CAST: variants seen among roughly 807,000 people sequenced by gnomAD.
The protein encoded by CAST is calpastatin.
Under a neutral mutation model 119.6 loss-of-function variants are expected in CAST, and 76 were observed. The observed-to-expected ratio is 0.64, with a 90% CI of 0.53 to 0.77. The LOEUF (loss-of-function observed/expected upper bound fraction) is 0.77. CAST is among the 30% of genes least tolerant of loss of function. The probability of loss-of-function intolerance (pLI) is 0.00; values close to 1 mark genes in which losing one functional copy is unlikely to be tolerated. For synonymous variants in CAST, 319 were observed against 331.6 expected, an observed-to-expected ratio of 0.96 and a Z score of 0.41; for missense variants, 953 against 946.5, an observed-to-expected ratio of 1.01 and a Z score of -0.09.
chr5:96,700,726 G>A (rs758667456), intron 3 of CAST, among the ~76,000 whole-genome samples: 9 of 151,876 alleles, frequency 5.9e-5, no homozygotes, highest in Admixed American at 2.0e-4. Flanking sequence ...TCGCCGGGGT[G>A]GGGGAAGAGC....
At chr5:96,276,920 G>A in the CAST span, among the ~76,000 whole-genome samples, 1 of 152,142 alleles carries the variant, frequency 6.6e-6, no homozygotes, top group Non-Finnish European at 1.5e-5. Context: ...TGCTTTGAAA[G>A]TTTACATAGA....
the CAST span, among the ~76,000 whole-genome samples, chr5:96,473,889 A>T: frequency 6.6e-6 from 1 of 152,254 alleles, no homozygotes; most frequent in East Asian, 1.9e-4. Flanking sequence ...TGATGCAAAA[A>T]CTGAAACTCA....
chr5:96,583,902 G>C (rs1399274026), intron 1 of CAST, among the ~76,000 whole-genome samples: 1 of 152,218 alleles, frequency 6.6e-6, no homozygotes, highest in Non-Finnish European at 1.5e-5. Flanking sequence ...AGAGGGGGTA[G>C]ACAGAAACAA....
At chr5:96,427,451 A>C in the CAST span, among the ~76,000 whole-genome samples, 8 of 152,200 alleles carry the variant, frequency 5.3e-5, no homozygotes, top group Admixed American at 2.6e-4. Context: ...AAGATCATCT[A>C]ATTCAACCTT....
the CAST span, among the ~76,000 whole-genome samples, chr5:96,187,363 T>A: frequency 7.0e-3 from 1,072 of 152,270 alleles, 11 homozygotes; most frequent in African/African-American, 0.025. Flanking sequence ...GCTCTGATCT[T>A]GGTTATTTCT....
chr5:96,494,109 G>A, the CAST span, among the ~76,000 whole-genome samples: 17 of 152,304 alleles, frequency 1.1e-4, no homozygotes, highest in South Asian at 3.5e-3. Context: ...AAAGGACAGA[G>A]AAGAGTTGGG....
At chr5:96,343,322 A>G in the CAST span, among the ~76,000 whole-genome samples, 16 of 152,314 alleles carry the variant, frequency 1.1e-4, no homozygotes, top group Non-Finnish European at 1.3e-4. Flanking sequence ...AAGATAGGAA[A>G]ATGAGAAAGT....
At chr5:96,460,126 C>T in the CAST span, among the ~76,000 whole-genome samples, 2 of 152,114 alleles carry the variant, frequency 1.3e-5, no homozygotes, top group African/African-American at 4.8e-5. Context: ...GTAGAAGAGG[C>T]TTTGATCCAG....
At chr5:96,248,253 G>C in the CAST span, among the ~76,000 whole-genome samples, 1 of 152,022 alleles carries the variant, frequency 6.6e-6, no homozygotes, top group Non-Finnish European at 1.5e-5. Context: ...TAAACCACTT[G>C]ATGCACACTG....
intron 25 of CAST, 130 bp from the exon 26 acceptor site, chr5:96,765,091 G>A: frequency 3.0e-6 from 2 of 668,298 alleles, no homozygotes; most frequent in African/African-American, 1.8e-5. Context: ...CTACTCCCCT[G>A]CCCCAGCCCC....
chr5:96,537,035 A>G (rs1342994644), intron 1 of CAST, among the ~76,000 whole-genome samples: 2 of 152,234 alleles, frequency 1.3e-5, no homozygotes, highest in Non-Finnish European at 2.9e-5. Context: ...TTAATTATGT[A>G]TGGTCTTGGA....
At chr5:96,739,176 G>A (rs186572689) in intron 11 of CAST, among the ~76,000 whole-genome samples, 18 of 152,290 alleles carry the variant, frequency 1.2e-4, no homozygotes, top group Admixed American at 2.6e-4. Context: ...TAGCAAAAGC[G>A]TGAAAGTCTG....
the CAST span, among the ~76,000 whole-genome samples, chr5:96,198,903 T>C: frequency 1.3e-5 from 2 of 152,192 alleles, no homozygotes; most frequent in African/African-American, 4.8e-5. Context: ...TGTGCTGTCA[T>C]GTCCATTTTT....
At chr5:96,271,740 A>G in the CAST span, among the ~76,000 whole-genome samples, 2 of 152,170 alleles carry the variant, frequency 1.3e-5, no homozygotes, top group East Asian at 3.8e-4. Context: ...ACAGGAAACC[A>G]AAGCAAAAAG....
Position 96,553,311 on chromosome 5 carries a change from C to T in CAST, c.60+23431C>T, listed in dbSNP as rs996581142. Among the ~76,000 whole-genome samples the T allele has an allele frequency of 5.2e-4, 79 of 152,232 alleles. 2 individuals carry two copies. The highest frequency in any genetic ancestry group is 3.4e-3 in the Middle Eastern group (1 of 294). ...CATAAACAGAACCAATGACAAAAACCACATGATTATCTCAATAGATGCAGA... is the reference window on the plus strand; with the variant it reads ...CATAAACAGAACCAATGACAAAAACTACATGATTATCTCAATAGATGCAGA... On this transcript the variant is annotated intron_variant, in intron 1 of 11. Transcript: ENST00000505143.
chr5:96,570,061 C>T (rs1471841219), intron 1 of CAST, among the ~76,000 whole-genome samples: 1 of 152,200 alleles, frequency 6.6e-6, no homozygotes, highest in African/African-American at 2.4e-5. Context: ...AAATCGTACC[C>T]TGATCTAAAA....
chr5:96,333,008 T>C, the CAST span, among the ~76,000 whole-genome samples: 1 of 152,198 alleles, frequency 6.6e-6, no homozygotes, highest in Non-Finnish European at 1.5e-5. Flanking sequence ...TTTCTCTCTT[T>C]AAGGACCTGG....
the CAST span, among the ~76,000 whole-genome samples, chr5:96,431,916 T>C: frequency 6.6e-6 from 1 of 152,138 alleles, no homozygotes. Context: ...AGGAAAGCTC[T>C]AGACTAGAAG....
At chr5:96,423,218 C>T in the CAST span, 1 of 1,229,826 alleles carries the variant, frequency 8.1e-7, no homozygotes, top group Admixed American at 2.0e-5. Context: ...GGGACTGACA[C>T]CAGAGCAGCA....
Sources: gnomAD v4.1 joint callset for allele counts (sites outside exome capture counted in the v4.1 genomes callset) on GRCh38, gnomAD v4.1.1 for gene constraint, MANE v1.5 for transcripts, NCBI Gene and HGNC (gene_info 2026-07-23, HGNC 2026-07-21) for gene names.